Variants in ZNF274 observed in about 807,000 individuals in gnomAD.
ZNF274 encodes the protein zinc finger protein 274.
A neutral mutation model predicts 42.5 loss-of-function variants in ZNF274; 23 were observed. The ratio of observed to expected loss-of-function variants is 0.54; its 90% CI spans 0.39 to 0.77. The LOEUF (loss-of-function observed/expected upper bound fraction) is 0.77. Ranked by LOEUF, ZNF274 falls within the 30% of genes least tolerant of loss-of-function variation. The probability of loss-of-function intolerance (pLI) is 0.00; values close to 1 mark genes in which losing one functional copy is unlikely to be tolerated. For missense variants in ZNF274, 679 were observed against 806.5 expected, an observed-to-expected ratio of 0.84 and a Z score of 1.91; for synonymous variants, 292 against 305.4, an observed-to-expected ratio of 0.96 and a Z score of 0.46.
chr19:58,193,339 G>C (rs1324932560), intron 4 of ZNF274, among the ~76,000 whole-genome samples: 1 of 151,162 alleles, frequency 6.6e-6, no homozygotes, highest in Non-Finnish European at 1.5e-5. Flanking sequence ...GTAGAGACAG[G>C]GTTTCACCGT....
intron 4 of ZNF274, among the ~76,000 whole-genome samples, chr19:58,188,725 A>ATATATATATATATATATATAT (rs1555816952): frequency 1.8e-5 from 1 of 54,964 alleles, no homozygotes; most frequent in Non-Finnish European, 3.6e-5. Context: ...TATATATATA[A>ATATATATATATATATATATAT]ATCTTTAAAA....
chr19:58,184,028 T>C, intron 2 of ZNF274, 30 bp downstream of exon 2: 7 of 1,580,444 alleles, frequency 4.4e-6, no homozygotes, highest in Non-Finnish European at 6.0e-6. Flanking sequence ...AGCTTTTGAG[T>C]CCGCTACTGC....
At chr19:58,187,773 T>C (rs1216890424) in intron 4 of ZNF274, among the ~76,000 whole-genome samples, 1 of 152,172 alleles carries the variant, frequency 6.6e-6, no homozygotes, top group Non-Finnish European at 1.5e-5. Context: ...TTGCTCAGGC[T>C]GGAGTGCAGT....
intron 4 of ZNF274, among the ~76,000 whole-genome samples, chr19:58,198,324 A>G (rs1262413146): frequency 6.6e-6 from 1 of 152,242 alleles, no homozygotes; most frequent in African/African-American, 2.4e-5. Flanking sequence ...GTTACAAAGA[A>G]TGAGCAACCT....
At chr19:58,199,939 C>T (rs931768895) in intron 4 of ZNF274, among the ~76,000 whole-genome samples, 3 of 152,210 alleles carry the variant, frequency 2.0e-5, no homozygotes, top group Non-Finnish European at 2.9e-5. Context: ...TGTCCTTTTC[C>T]TGAGTCCTGA....
At chr19:58,187,508 G>A (rs535412855) in intron 4 of ZNF274, among the ~76,000 whole-genome samples, 4 of 152,178 alleles carry the variant, frequency 2.6e-5, no homozygotes, top group Admixed American at 6.5e-5. Context: ...TGCACCCTCC[G>A]CGTCCTGGAC....
At chr19:58,201,302 C>G (rs2075908102) in intron 4 of ZNF274, among the ~76,000 whole-genome samples, 1 of 148,150 alleles carries the variant, frequency 6.7e-6, no homozygotes, top group Non-Finnish European at 1.5e-5. Context: ...GTGAGCCATT[C>G]TGCCCGGCCA....
intron 4 of ZNF274, among the ~76,000 whole-genome samples, chr19:58,198,259 A>G (rs992241912): frequency 1.3e-5 from 2 of 152,244 alleles, no homozygotes; most frequent in African/African-American, 4.8e-5. Context: ...ACAGGGGAAA[A>G]GAACCTGTAC....
intron 2 of ZNF274, chr19:58,184,294 G>GT (rs2075669470): frequency 3.4e-6 from 1 of 294,120 alleles, no homozygotes; most frequent in Admixed American, 4.9e-5. Context: ...TTGTTTGTTT[G>GT]TTTTTTGTTT....
chr19:58,188,698 A>ATATATATATATATATATATATG, intron 4 of ZNF274, among the ~76,000 whole-genome samples: 1 of 88,424 alleles, frequency 1.1e-5, no homozygotes, highest in Non-Finnish European at 2.3e-5. Flanking sequence ...GTATATGTAT[A>ATATATATATATATATATATATG]TATATATATA....
chr19:58,210,976 A>G (rs1436345350), intron 6 of ZNF274: 5 of 152,284 alleles, frequency 3.3e-5, no homozygotes, highest in Admixed American at 2.6e-4. Flanking sequence ...TTGGCCTCCC[A>G]ATGTGCTGGG....
At chr19:58,184,044 G>C in intron 2 of ZNF274, 46 bp downstream of exon 2, 1 of 1,566,080 alleles carries the variant, frequency 6.4e-7, no homozygotes, top group Non-Finnish European at 8.7e-7. Flanking sequence ...ACTGCACCTG[G>C]GAGGATGCGG....
chr19:58,188,694 G>GTATATGTATATGTATATATA lies in ZNF274; in HGVS notation c.256+1657_256+1658insGTATATGTATATATATATAT, dbSNP rs1221412961. On this transcript the variant is annotated intron_variant, in intron 4 of 7. Transcript: ENST00000617501. ...TGTGTGTGTATATATATATGTATAT[G>GTATATGTATATGTATATATA]TATATATATATATATATATATATAT... 4.1e-3 allele frequency among the ~76,000 whole-genome samples: 306 copies of GTATATGTATATGTATATATA among 74,598 alleles called. 8 individuals carry two copies. The highest frequency in any genetic ancestry group is 0.015 in the African/African-American group (276 of 18,460). The allele number at this position is 74,598 out of a possible 152,430, so 48.9% of individuals were successfully genotyped here.
intron 4 of ZNF274, among the ~76,000 whole-genome samples, chr19:58,206,414 A>G (rs1441319183): frequency 6.6e-6 from 1 of 152,118 alleles, no homozygotes; most frequent in Non-Finnish European, 1.5e-5. Flanking sequence ...TATGCTTTCA[A>G]TTTTCTTAGC....
intron 5 of ZNF274, 168 bp from the exon 6 acceptor site, chr19:58,209,793 T>C: frequency 3.6e-6 from 2 of 558,288 alleles, no homozygotes; most frequent in Non-Finnish European, 6.4e-6. Flanking sequence ...GGGCACGTGC[T>C]GTGAGGGGAG....
chr19:58,203,551 G>A (rs1189841355), intron 4 of ZNF274, among the ~76,000 whole-genome samples: 2 of 149,116 alleles, frequency 1.3e-5, no homozygotes, highest in South Asian at 4.2e-4. Context: ...GCACTCTAGC[G>A]TGGGCGACTA....
intron 4 of ZNF274, among the ~76,000 whole-genome samples, chr19:58,204,573 C>T (rs1057058353): frequency 6.6e-6 from 1 of 152,094 alleles, no homozygotes; most frequent in African/African-American, 2.4e-5. Context: ...AAAGATGCTT[C>T]CGCCCGAGCT....
intron 4 of ZNF274, among the ~76,000 whole-genome samples, chr19:58,190,197 C>T (rs2075763902): frequency 6.8e-6 from 1 of 146,384 alleles, no homozygotes; most frequent in Non-Finnish European, 1.5e-5. Context: ...GCCACCCAGG[C>T]TGTAGGGCAG....
At chr19:58,196,779 GA>G (rs1483179413) in intron 4 of ZNF274, among the ~76,000 whole-genome samples, 2 of 152,136 alleles carry the variant, frequency 1.3e-5, no homozygotes, top group Admixed American at 1.3e-4. Flanking sequence ...TGTTTAGTTT[GA>G]AAAAATTCAC....
Sources: gnomAD v4.1 joint callset for allele counts (sites outside exome capture counted in the v4.1 genomes callset) on GRCh38, gnomAD v4.1.1 for gene constraint, MANE v1.5 for transcripts, NCBI Gene and HGNC (gene_info 2026-07-23, HGNC 2026-07-21) for gene names.